Variants in TBC1D22A observed in about 807,000 individuals in gnomAD.
TBC1D22A encodes putative GTPase activator.
A neutral mutation model predicts 60.2 loss-of-function variants in TBC1D22A; 38 were observed. That is an observed-to-expected ratio of 0.63 (90% CI 0.49 to 0.83). TBC1D22A has a LOEUF of 0.83. Among genes scored for constraint, TBC1D22A ranks in the 40% least tolerant of loss-of-function variants. The pLI is 0.00. For synonymous variants in TBC1D22A, 302 were observed against 281.7 expected (o/e 1.07, Z -0.72); for missense variants, 628 against 701.0 (o/e 0.90, Z 1.18).
At chr22:47,029,931 C>T (rs1171151078) in intron 10 of TBC1D22A, among the ~76,000 whole-genome samples, 1 of 152,242 alleles carries the variant, frequency 6.6e-6, no homozygotes, top group East Asian at 1.9e-4. Context: ...CCACCCTCTG[C>T]CCACCATTGG....
chr22:46,796,915 C>CG (rs2084678493), intron 3 of TBC1D22A, among the ~76,000 whole-genome samples: 1 of 152,214 alleles, frequency 6.6e-6, no homozygotes, highest in Non-Finnish European at 1.5e-5. Flanking sequence ...AGGCAGGTGG[C>CG]GGGGTTGGGC....
rs78196945 is a variant in TBC1D22A at position 47,048,853 on chromosome 22, C to T, written c.1329+11655C>T. ...GCACGGGACCCTTTGGACATCGCAG[C>T]CCCCATGCTGGGGCACACCTGACTG... is the stretch of plus-strand genomic sequence containing the variant. On this transcript the variant is annotated intron_variant, in intron 11 of 12. Transcript: ENST00000337137. 6.7e-3 allele frequency among the ~76,000 whole-genome samples: 1,022 copies of T among 152,306 alleles called. 18 individuals are homozygous for T. Among genetic ancestry groups the T allele is most frequent in the African/African-American group, 0.024 (983 of 41,566 alleles).
At chr22:46,864,477 G>C (rs893551033) in intron 4 of TBC1D22A, among the ~76,000 whole-genome samples, 6 of 152,202 alleles carry the variant, frequency 3.9e-5, no homozygotes, top group Admixed American at 3.9e-4. Context: ...TCTGCCAAAG[G>C]CTGGAGAGGA....
At chr22:46,982,654 C>G (rs2074560025) in intron 9 of TBC1D22A, among the ~76,000 whole-genome samples, 1 of 152,192 alleles carries the variant, frequency 6.6e-6, no homozygotes, top group Admixed American at 6.5e-5. Context: ...TGCTGGCCTA[C>G]CGGTCGTGTG....
chr22:46,871,221 C>T (rs2067279222), intron 4 of TBC1D22A, among the ~76,000 whole-genome samples: 1 of 152,182 alleles, frequency 6.6e-6, no homozygotes, highest in Non-Finnish European at 1.5e-5. Context: ...ATGAAGCAAA[C>T]ATTGACAGCA....
intron 4 of TBC1D22A, among the ~76,000 whole-genome samples, chr22:46,823,566 G>A (rs1223813547): frequency 6.6e-6 from 1 of 152,218 alleles, no homozygotes; most frequent in Admixed American, 6.5e-5. Context: ...ATGCTGGGCA[G>A]GATGCAGACT....
intron 8 of TBC1D22A, among the ~76,000 whole-genome samples, chr22:46,926,428 C>T (rs988555397): frequency 6.6e-6 from 1 of 152,152 alleles, no homozygotes; most frequent in African/African-American, 2.4e-5. Context: ...CTATGAACGA[C>T]TCTACAAACC....
At chr22:47,163,401 A>C (rs920858680) in intron 12 of TBC1D22A, among the ~76,000 whole-genome samples, 3 of 152,214 alleles carry the variant, frequency 2.0e-5, no homozygotes, top group Admixed American at 1.3e-4. Context: ...CATTCTTAGG[A>C]GGCTGAAACC....
intron 4 of TBC1D22A, among the ~76,000 whole-genome samples, chr22:46,869,247 G>T (rs2067197673): frequency 6.6e-6 from 1 of 152,232 alleles, no homozygotes; most frequent in African/African-American, 2.4e-5. Context: ...AGCTCACGGA[G>T]AATCTTTCCT....
chr22:46,947,136 G>A (rs2072596775), intron 8 of TBC1D22A, among the ~76,000 whole-genome samples: 1 of 152,080 alleles, frequency 6.6e-6, no homozygotes, highest in Admixed American at 6.5e-5. Context: ...TCTGAAGAGT[G>A]CTGTGAATCG....
intron 1 of TBC1D22A, among the ~76,000 whole-genome samples, chr22:46,770,092 G>C (rs1297166596): frequency 1.3e-5 from 2 of 152,184 alleles, no homozygotes; most frequent in African/African-American, 4.8e-5. Context: ...GAATTGTCCT[G>C]TTACCTGGTG....
chr22:47,018,532 ACT>A (rs1196877385), intron 10 of TBC1D22A, among the ~76,000 whole-genome samples: 1 of 150,448 alleles, frequency 6.6e-6, no homozygotes, highest in East Asian at 2.0e-4. Flanking sequence ...TGTCCGTCCC[ACT>A]CTCTCCCCTG....
chr22:47,053,855 GT>G (rs2063306925), intron 11 of TBC1D22A, among the ~76,000 whole-genome samples: 1 of 152,240 alleles, frequency 6.6e-6, no homozygotes, highest in Non-Finnish European at 1.5e-5. Flanking sequence ...ACAAGAGGAG[GT>G]TCTGTGAGCC....
intron 11 of TBC1D22A, among the ~76,000 whole-genome samples, chr22:47,043,377 C>G (rs2062915027): frequency 6.6e-6 from 1 of 152,208 alleles, no homozygotes; most frequent in Non-Finnish European, 1.5e-5. Context: ...CAGGATGCGG[C>G]TGTCCCCGGG....
intron 11 of TBC1D22A, among the ~76,000 whole-genome samples, chr22:47,082,573 A>C (rs1161669869): frequency 6.6e-6 from 1 of 152,276 alleles, no homozygotes; most frequent in Non-Finnish European, 1.5e-5. Flanking sequence ...CAGAAGGTTC[A>C]GATAGACACT....
intron 11 of TBC1D22A, among the ~76,000 whole-genome samples, chr22:47,055,896 G>GGTGAGACACGCCACTGAGGGTCA: frequency 6.6e-6 from 1 of 150,716 alleles, no homozygotes; most frequent in Admixed American, 6.6e-5. Context: ...ACTGAGGGTC[G>GGTGAGACACGCCACTGAGGGTCA]GTGAGATACG....
chr22:47,086,540 T>G (rs978359927), intron 11 of TBC1D22A, among the ~76,000 whole-genome samples: 1 of 152,206 alleles, frequency 6.6e-6, no homozygotes. Flanking sequence ...TTGTGTTGTT[T>G]CTTACAACTA....
intron 1 of TBC1D22A, among the ~76,000 whole-genome samples, chr22:46,784,384 A>G (rs1195888468): frequency 2.0e-5 from 3 of 152,210 alleles, no homozygotes; most frequent in Non-Finnish European, 1.5e-5. Flanking sequence ...TTTTAAAGAC[A>G]GATTTCATTA....
At chr22:46,843,378 C>T (rs998677403) in intron 4 of TBC1D22A, among the ~76,000 whole-genome samples, 4 of 152,078 alleles carry the variant, frequency 2.6e-5, no homozygotes, top group Admixed American at 6.5e-5. Flanking sequence ...AGTGGCTGCC[C>T]GGCCGGTGCT....
Sources: gnomAD v4.1 joint callset for allele counts (sites outside exome capture counted in the v4.1 genomes callset) on GRCh38, gnomAD v4.1.1 for gene constraint, MANE v1.5 for transcripts, NCBI Gene and HGNC (gene_info 2026-07-23, HGNC 2026-07-21) for gene names.